The following FBXL7 variants were observed in gnomAD, a reference collection of about 807,000 sequenced individuals.
FBXL7 encodes the protein F-box/LRR-repeat protein 7.
In FBXL7, 12 loss-of-function variants were observed where a neutral mutation model predicts 38.3. The observed-to-expected ratio is 0.31, with a 90% confidence interval of 0.20 to 0.51. The LOEUF (loss-of-function observed/expected upper bound fraction) is 0.51, where lower values mean the gene tolerates loss of function less well. FBXL7 is among the 20% of genes least tolerant of loss of function. The probability of loss-of-function intolerance (pLI) is 0.98; values close to 1 mark genes in which losing one functional copy is unlikely to be tolerated. For missense variants in FBXL7, 567 were observed against 676.4 expected (o/e 0.84, Z 1.79); for synonymous variants, 297 against 300.9 (o/e 0.99, Z 0.13).
chr5:15,540,657 CA>C (rs899895242), intron 1 of FBXL7, among the ~76,000 whole-genome samples: 4 of 152,160 alleles, frequency 2.6e-5, no homozygotes, highest in African/African-American at 9.7e-5. Context: ...TTAAAAAGAG[CA>C]GACATTTATT....
chr5:15,751,328 G>T (rs1034675008), intron 2 of FBXL7, among the ~76,000 whole-genome samples: 2 of 152,176 alleles, frequency 1.3e-5, no homozygotes, highest in African/African-American at 4.8e-5. Flanking sequence ...ACCATTAGGG[G>T]ACTGAAGGAT....
At chr5:15,859,385 C>T (rs1347474939) in intron 2 of FBXL7, among the ~76,000 whole-genome samples, 1 of 152,172 alleles carries the variant, frequency 6.6e-6, no homozygotes, top group Non-Finnish European at 1.5e-5. Context: ...GTTGTCACAA[C>T]TGCTGGTATC....
At chr5:15,662,597 T>G (rs1742123318) in intron 2 of FBXL7, among the ~76,000 whole-genome samples, 1 of 152,228 alleles carries the variant, frequency 6.6e-6, no homozygotes, top group African/African-American at 2.4e-5. Context: ...AGAATAGTAT[T>G]GCCTAGATTG....
At chr5:15,783,564 A>G (rs1478693752) in intron 2 of FBXL7, among the ~76,000 whole-genome samples, 1 of 152,168 alleles carries the variant, frequency 6.6e-6, no homozygotes, top group Non-Finnish European at 1.5e-5. Flanking sequence ...TGCAAAAACA[A>G]GGAGAATAGG....
intron 2 of FBXL7, among the ~76,000 whole-genome samples, chr5:15,672,313 G>A (rs1277775277): frequency 2.6e-5 from 4 of 152,062 alleles, no homozygotes; most frequent in Non-Finnish European, 5.9e-5. Context: ...ACTTGAAAGA[G>A]GTATTATGTT....
chr5:15,917,956 A>G (rs1182760631), intron 2 of FBXL7, among the ~76,000 whole-genome samples: 1 of 152,164 alleles, frequency 6.6e-6, no homozygotes, highest in Non-Finnish European at 1.5e-5. Flanking sequence ...TAAATATTAC[A>G]GGCCACATGC....
At chr5:15,738,357 A>G (rs1247966547) in intron 2 of FBXL7, among the ~76,000 whole-genome samples, 1 of 152,246 alleles carries the variant, frequency 6.6e-6, no homozygotes, top group Non-Finnish European at 1.5e-5. Flanking sequence ...CAAAAAATAT[A>G]TAATTAGGAA....
intron 1 of FBXL7, among the ~76,000 whole-genome samples, chr5:15,610,286 C>T (rs1051048086): frequency 2.6e-5 from 4 of 152,170 alleles, no homozygotes; most frequent in Non-Finnish European, 5.9e-5. Flanking sequence ...AACCAAAGTG[C>T]AATCTGGCTG....
intron 2 of FBXL7, among the ~76,000 whole-genome samples, chr5:15,629,261 T>C (rs1352477099): frequency 2.0e-5 from 3 of 152,030 alleles, no homozygotes; most frequent in African/African-American, 7.2e-5. Flanking sequence ...GGAAACAGAC[T>C]CAGATCCATA....
rs188223542 is a variant in FBXL7, at chr5:15,640,108, T to G, written c.127+24036T>G. Reference sequence around the variant, plus strand: ...GTTGTATTAGTCTATATTCATTTCCTAGCACTGCCATAACAAAGTATAATA... The same window carrying G: ...GTTGTATTAGTCTATATTCATTTCCGAGCACTGCCATAACAAAGTATAATA... On this transcript the variant is annotated intron_variant, in intron 2 of 3. Transcript: ENST00000504595. 3.0e-3 allele frequency among the ~76,000 whole-genome samples: 462 copies of G among 152,330 alleles called. 2 individuals carry two copies. Among genetic ancestry groups the G allele is most frequent in the Non-Finnish European group, 5.2e-3 (354 of 68,032 alleles).
intron 3 of FBXL7, among the ~76,000 whole-genome samples, chr5:15,932,645 A>T (rs1195551059): frequency 6.6e-6 from 1 of 151,872 alleles, no homozygotes; most frequent in African/African-American, 2.4e-5. Context: ...GGATACCCTA[A>T]CCCTCCCATG....
At chr5:15,922,981 C>G (rs1741783127) in intron 2 of FBXL7, among the ~76,000 whole-genome samples, 1 of 152,176 alleles carries the variant, frequency 6.6e-6, no homozygotes, top group Non-Finnish European at 1.5e-5. Flanking sequence ...TTCATACCTA[C>G]AAAATATTCT....
At position 15,887,426 on chromosome 5, in the gene FBXL7, C is replaced by T. The variant is rs77818965; in HGVS notation, c.128-40464C>T. 1.4e-3 allele frequency among the ~76,000 whole-genome samples: 212 copies of T among 152,238 alleles called. No homozygotes were observed. The East Asian group carries it at 0.016, about 12-fold the overall frequency. On this transcript the variant is annotated intron_variant, in intron 2 of 3. Coordinates refer to ENST00000504595, the MANE Select transcript of FBXL7 (RefSeq NM_012304.5). ...CATTTAAATCCCAAATTGAATTCCCCTACATGTCAAAAATGAAAATATTTT... is the reference window on the plus strand; with the variant it reads ...CATTTAAATCCCAAATTGAATTCCCTTACATGTCAAAAATGAAAATATTTT...
intron 2 of FBXL7, among the ~76,000 whole-genome samples, chr5:15,631,946 T>C (rs76709980): frequency 0.092 from 14,058 of 152,134 alleles, 724 homozygotes; most frequent in South Asian, 0.13. Context: ...AAATTGAATA[T>C]AGATAGTAGT....
At chr5:15,513,193 T>A (rs574834469) in intron 1 of FBXL7, among the ~76,000 whole-genome samples, 7 of 151,840 alleles carry the variant, frequency 4.6e-5, no homozygotes, top group Non-Finnish European at 1.0e-4. Flanking sequence ...TTTATGGACA[T>A]GCACACATAC....
intron 2 of FBXL7, among the ~76,000 whole-genome samples, chr5:15,715,930 T>C (rs914909574): frequency 1.3e-5 from 2 of 152,238 alleles, no homozygotes; most frequent in African/African-American, 4.8e-5. Context: ...ATATGTTTAA[T>C]GCCTCAGTAT....
At chr5:15,806,721 C>G (rs1477460330) in intron 2 of FBXL7, among the ~76,000 whole-genome samples, 1 of 152,162 alleles carries the variant, frequency 6.6e-6, no homozygotes, top group African/African-American at 2.4e-5. Flanking sequence ...CTGGCCCAAT[C>G]AGGGACTGAT....
chr5:15,844,372 C>T (rs1375992407), intron 2 of FBXL7, among the ~76,000 whole-genome samples: 1 of 152,152 alleles, frequency 6.6e-6, no homozygotes, highest in Non-Finnish European at 1.5e-5. Context: ...AGGAGTTGGG[C>T]TTGAGTGGCT....
chr5:15,644,867 C>A (rs192961641), intron 2 of FBXL7, among the ~76,000 whole-genome samples: 1 of 152,218 alleles, frequency 6.6e-6, no homozygotes, highest in Non-Finnish European at 1.5e-5. Context: ...TAGTGCCTTC[C>A]CCTTTAGATG....
Sources: allele counts gnomAD v4.1 joint callset (sites outside exome capture counted in the v4.1 genomes callset), GRCh38; gene constraint gnomAD v4.1.1; transcripts MANE v1.5; gene names NCBI Gene and HGNC (gene_info 2026-07-23, HGNC 2026-07-21).